Variants in PIK3AP1 observed in about 807,000 individuals in gnomAD.
The protein encoded by PIK3AP1 is phosphoinositide-3-kinase adaptor protein 1.
A neutral mutation model predicts 88.1 loss-of-function variants in PIK3AP1; 21 were observed. That is an observed-to-expected ratio of 0.24 (90% CI 0.17 to 0.34). The LOEUF (loss-of-function observed/expected upper bound fraction) is 0.34, where lower values mean the gene tolerates loss of function less well. Among genes scored for constraint, PIK3AP1 ranks in the 10% least tolerant of loss-of-function variants. The pLI, the probability that PIK3AP1 is intolerant of heterozygous loss-of-function variation, is 1.00. For synonymous variants in PIK3AP1, 398 were observed against 400.0 expected, an observed-to-expected ratio of 1.00 and a Z score of 0.06; for missense variants, 828 against 1,035.7, an observed-to-expected ratio of 0.80 and a Z score of 2.75.
At chr10:96,663,585 G>A (rs1486830580) in intron 2 of PIK3AP1, among the ~76,000 whole-genome samples, 3 of 124,772 alleles carry the variant, frequency 2.4e-5, no homozygotes, top group African/African-American at 9.4e-5. Flanking sequence ...AGTCGAGATC[G>A]CACCACTGTA....
intron 2 of PIK3AP1, among the ~76,000 whole-genome samples, chr10:96,693,591 A>G (rs1212849716): frequency 6.6e-6 from 1 of 152,152 alleles, no homozygotes; most frequent in Non-Finnish European, 1.5e-5. Flanking sequence ...TCTGTTCATA[A>G]ACCTTCACGT....
At position 96,604,344 on chromosome 10, in the gene PIK3AP1, A is replaced by ATTTT. The variant is rs66487275; in HGVS notation, c.2171-299_2171-296dup. Among the ~76,000 whole-genome samples the ATTTT allele has an allele frequency of 1.6e-3, 122 of 77,122 alleles. 1 individual carries two copies. The highest frequency in any genetic ancestry group is 2.9e-3 in the South Asian group (5 of 1,740). The allele number at this position is 77,122 out of a possible 152,430, so 50.6% of individuals were successfully genotyped here. A position where few individuals can be genotyped will look rare whatever the true frequency, so the allele number is the denominator to read the frequency against. ...AGGTGTGTGCCACCACACCTAGCCA[A>ATTTT]TTTTTTTTTTTTTTTTTTTTTTTTT... On this transcript the variant is annotated intron_variant, in intron 14 of 16. Coordinates refer to ENST00000339364, the MANE Select transcript of PIK3AP1 (RefSeq NM_152309.3).
chr10:96,696,016 A>G (rs1159422234), intron 2 of PIK3AP1, among the ~76,000 whole-genome samples: 2 of 152,216 alleles, frequency 1.3e-5, no homozygotes, highest in African/African-American at 4.8e-5. Context: ...GAAATGGTTG[A>G]CAATCCAAAG....
At chr10:96,637,528 T>A (rs977533618) in intron 8 of PIK3AP1, among the ~76,000 whole-genome samples, 8 of 151,976 alleles carry the variant, frequency 5.3e-5, no homozygotes, top group Non-Finnish European at 1.2e-4. Context: ...TAAAAAAAAT[T>A]TTTTAGAAGT....
chr10:96,612,736 T>C (rs1464321567), intron 13 of PIK3AP1, among the ~76,000 whole-genome samples: 1 of 151,642 alleles, frequency 6.6e-6, no homozygotes, highest in African/African-American at 2.4e-5. Flanking sequence ...GGCTGGTGTA[T>C]AAATGTCCCA....
chr10:96,614,271 T>G (rs950639609), intron 13 of PIK3AP1, among the ~76,000 whole-genome samples: 2 of 152,104 alleles, frequency 1.3e-5, no homozygotes, highest in African/African-American at 4.8e-5. Context: ...AAACCTGAAA[T>G]GTCTCATTCC....
chr10:96,682,565 C>T (rs1488557274), intron 2 of PIK3AP1, among the ~76,000 whole-genome samples: 2 of 152,102 alleles, frequency 1.3e-5, no homozygotes, highest in Non-Finnish European at 2.9e-5. Context: ...TAATTTGTAC[C>T]GTCTCCCCAT....
At position 96,705,547 on chromosome 10, in the gene PIK3AP1, T is replaced by C. The variant is rs582549; in HGVS notation, c.430+4020A>G. Among the ~76,000 whole-genome samples, 678 of 152,158 alleles carry C rather than the reference T, an allele frequency of 4.5e-3. 5 individuals carry two copies. The highest frequency in any genetic ancestry group is 0.015 in the African/African-American group (640 of 41,494). On this transcript the variant is annotated intron_variant, in intron 2 of 16. Coordinates refer to ENST00000339364, the MANE Select transcript of PIK3AP1 (RefSeq NM_152309.3). ...CCACAATTATTGTCTCTACTATTAA[T>C]TCATCCCCATTATCAATTTTCCATT...
chr10:96,638,738 A>G (rs948511383), intron 8 of PIK3AP1, among the ~76,000 whole-genome samples: 9 of 152,224 alleles, frequency 5.9e-5, no homozygotes, highest in African/African-American at 1.9e-4. Context: ...ACCTGAACAC[A>G]GTCCCACCTG....
chr10:96,627,009 C>T, intron 9 of PIK3AP1, 104 bp from the exon 10 acceptor site: 1 of 1,086,894 alleles, frequency 9.2e-7, no homozygotes, highest in South Asian at 1.3e-5. Context: ...CTCAGTGCTG[C>T]CCCCTGGCAA....
Position 96,651,530 on chromosome 10 carries a change from A to G in PIK3AP1, c.834T>C (p.Asn278=), listed in dbSNP as rs368218055. 1.4e-5 allele frequency: 22 copies of G among 1,614,096 alleles called. No homozygotes were observed. The highest frequency in any genetic ancestry group is 8.5e-7 in the Non-Finnish European group (1 of 1,180,038). ...TTACCTGACACATGAATTCCACAGGATTCGCGGCATTGGACAATAAATTCC... is the reference window on the plus strand; with the variant it reads ...TTACCTGACACATGAATTCCACAGGGTTCGCGGCATTGGACAATAAATTCC... ...EIGNLLSNAA[N]PVEFMCQAFK... Residue 278 remains asparagine, a synonymous_variant, in exon 5 of 17, where the codon AAT becomes AAC. Transcript: ENST00000339364.
intron 2 of PIK3AP1, among the ~76,000 whole-genome samples, chr10:96,702,316 T>C (rs1393720367): frequency 6.6e-6 from 1 of 152,000 alleles, no homozygotes; most frequent in African/African-American, 2.4e-5. Flanking sequence ...CTGGCCAACA[T>C]GGTGAAACCC....
intron 12 of PIK3AP1, among the ~76,000 whole-genome samples, chr10:96,619,868 G>A (rs1482831254): frequency 6.6e-6 from 1 of 152,206 alleles, no homozygotes; most frequent in East Asian, 1.9e-4. Flanking sequence ...TTTGTGTGTG[G>A]ACGTGTCTGA....
chr10:96,677,578 TACACACACACACACAC>T (rs35018772), intron 2 of PIK3AP1, among the ~76,000 whole-genome samples: 230 of 121,188 alleles, frequency 1.9e-3, no homozygotes, highest in Middle Eastern at 4.3e-3. Flanking sequence ...ACTAAGCACA[TACACACACACACACAC>T]ACACACACAC....
intron 14 of PIK3AP1, among the ~76,000 whole-genome samples, chr10:96,607,266 C>T (rs1849018254): frequency 6.6e-6 from 1 of 152,128 alleles, no homozygotes; most frequent in Non-Finnish European, 1.5e-5. Context: ...CACAGGAAGA[C>T]ATAGATGTGA....
chr10:96,670,567 T>C (rs185459235), intron 2 of PIK3AP1, among the ~76,000 whole-genome samples: 127 of 152,176 alleles, frequency 8.3e-4, no homozygotes, highest in Non-Finnish European at 1.4e-3. Context: ...ATGATGTGTC[T>C]GGGCCACAAG....
At chr10:96,670,281 G>A (rs928394380) in intron 2 of PIK3AP1, among the ~76,000 whole-genome samples, 4 of 152,054 alleles carry the variant, frequency 2.6e-5, no homozygotes, top group African/African-American at 9.7e-5. Context: ...AAATAGCACT[G>A]GGATGTTGAA....
At chr10:96,669,955 T>C (rs948242262) in intron 2 of PIK3AP1, among the ~76,000 whole-genome samples, 15 of 151,234 alleles carry the variant, frequency 9.9e-5, no homozygotes, top group Admixed American at 7.2e-4. Context: ...GGTGGGCGGA[T>C]CCTAAGGTCA....
intron 6 of PIK3AP1, 83 bp downstream of exon 6, chr10:96,651,164 TA>T: frequency 6.4e-7 from 1 of 1,552,022 alleles, no homozygotes. Flanking sequence ...CAGCAGAAGG[TA>T]AACGCGTATG....
Sources: gnomAD v4.1 joint callset for allele counts (sites outside exome capture counted in the v4.1 genomes callset) on GRCh38, gnomAD v4.1.1 for gene constraint, MANE v1.5 for transcripts, NCBI Gene and HGNC (gene_info 2026-07-23, HGNC 2026-07-21) for gene names.